The following UMAD1 variants were observed in gnomAD, a reference collection of about 807,000 sequenced individuals.
UMAD1 encodes the protein UBAP1-MVB12-associated (UMA) domain containing 1, also known as UBAP1-MVB12-associated (UMA)-domain containing protein 1.
In UMAD1, 8 loss-of-function variants were observed where a neutral mutation model predicts 6.1. That is an observed-to-expected ratio of 1.30 (90% CI 0.76 to 2.35). UMAD1 has a LOEUF of 2.35. Among genes scored for constraint, UMAD1 ranks in the 30% most tolerant of loss-of-function variants. UMAD1 has a pLI of 0.00. For missense variants in UMAD1, 130 were observed against 78.4 expected (o/e 1.66, Z -2.49); for synonymous variants, 56 against 31.4 (o/e 1.78, Z -2.61).
intron 3 of UMAD1, among the ~76,000 whole-genome samples, chr7:7,817,299 C>T (rs1386091227): frequency 6.6e-6 from 1 of 152,162 alleles, no homozygotes; most frequent in Non-Finnish European, 1.5e-5. Context: ...TTCGGGTTGA[C>T]TCATCATTGT....
intron 3 of UMAD1, among the ~76,000 whole-genome samples, chr7:7,853,734 C>T (rs1054610675): frequency 1.3e-5 from 2 of 152,046 alleles, no homozygotes; most frequent in Admixed American, 6.5e-5. Context: ...CATAGAAAAT[C>T]ATATCATCTG....
At chr7:7,775,468 AC>A (rs1374114389) in intron 2 of UMAD1, among the ~76,000 whole-genome samples, 1 of 152,072 alleles carries the variant, frequency 6.6e-6, no homozygotes, top group Non-Finnish European at 1.5e-5. Context: ...CTTTCCTGCC[AC>A]CCTTTGAAGA....
intron 2 of UMAD1, among the ~76,000 whole-genome samples, chr7:7,743,406 G>T (rs1240560335): frequency 6.6e-6 from 1 of 152,058 alleles, no homozygotes; most frequent in Non-Finnish European, 1.5e-5. Context: ...ATTAAGGCAG[G>T]TTAAAGAACT....
chr7:7,761,524 G>T (rs948407453), intron 2 of UMAD1, among the ~76,000 whole-genome samples: 28 of 152,170 alleles, frequency 1.8e-4, no homozygotes, highest in Non-Finnish European at 7.3e-5. Flanking sequence ...ACATCCTTGT[G>T]CAGTACACAA....
intron 2 of UMAD1, chr7:7,736,132 G>C (rs889469197): frequency 1.3e-5 from 2 of 152,248 alleles, no homozygotes; most frequent in African/African-American, 4.8e-5. Context: ...TGGGACAAAG[G>C]CCTTCCTGGT....
At chr7:7,677,885 G>A (rs1779788359) in intron 2 of UMAD1, among the ~76,000 whole-genome samples, 1 of 151,030 alleles carries the variant, frequency 6.6e-6, no homozygotes, top group Non-Finnish European at 1.5e-5. Context: ...GTTTTAGCCG[G>A]GATGGTCTCG....
At chr7:7,649,684 T>C (rs906010473) in intron 1 of UMAD1, among the ~76,000 whole-genome samples, 1 of 131,990 alleles carries the variant, frequency 7.6e-6, no homozygotes, top group Non-Finnish European at 1.7e-5. Flanking sequence ...GTATTCTTGT[T>C]GGTGGGGGGG....
At chr7:7,865,869 G>T (rs1290204432) in intron 3 of UMAD1, among the ~76,000 whole-genome samples, 1 of 152,182 alleles carries the variant, frequency 6.6e-6, no homozygotes, top group Non-Finnish European at 1.5e-5. Flanking sequence ...GAGAAGATGG[G>T]TCTGTAGGAA....
intron 2 of UMAD1, among the ~76,000 whole-genome samples, chr7:7,707,259 A>G (rs1355797815): frequency 6.6e-6 from 1 of 152,270 alleles, no homozygotes; most frequent in African/African-American, 2.4e-5. Flanking sequence ...TGCCTACAAT[A>G]TTAATATGGA....
At chr7:7,827,834 T>C (rs1008934696) in intron 3 of UMAD1, among the ~76,000 whole-genome samples, 1 of 152,184 alleles carries the variant, frequency 6.6e-6, no homozygotes, top group African/African-American at 2.4e-5. Flanking sequence ...TGAAAATTAC[T>C]ACCAGCAGCA....
At chr7:7,784,027 T>C (rs1782405886) in intron 2 of UMAD1, among the ~76,000 whole-genome samples, 3 of 152,176 alleles carry the variant, frequency 2.0e-5, no homozygotes, top group Non-Finnish European at 4.4e-5. Flanking sequence ...TATGCCATTC[T>C]GAAGGTGGAT....
chr7:7,664,921 C>T (rs189331307), intron 1 of UMAD1, among the ~76,000 whole-genome samples: 12 of 152,102 alleles, frequency 7.9e-5, no homozygotes, highest in Non-Finnish European at 1.8e-4. Context: ...GGTTAAACAT[C>T]GTTCAGGATT....
intron 2 of UMAD1, among the ~76,000 whole-genome samples, chr7:7,707,793 C>A (rs180672848): frequency 7.2e-4 from 109 of 152,274 alleles, no homozygotes; most frequent in Middle Eastern, 3.4e-3. Context: ...ATGTCATTAA[C>A]TTGAAATATA....
intron 2 of UMAD1, among the ~76,000 whole-genome samples, chr7:7,700,577 A>G (rs1421127744): frequency 3.3e-5 from 5 of 150,836 alleles, no homozygotes; most frequent in Non-Finnish European, 5.9e-5. Flanking sequence ...TAAAAACAAC[A>G]AACAAACAAA....
intron 2 of UMAD1, among the ~76,000 whole-genome samples, chr7:7,726,473 C>A (rs532814918): frequency 6.1e-4 from 93 of 152,304 alleles, no homozygotes; most frequent in Non-Finnish European, 1.2e-3. Flanking sequence ...TAGGTGACAA[C>A]ACTTTACAGG....
chr7:7,800,085 G>C (rs1432033452), intron 2 of UMAD1, among the ~76,000 whole-genome samples: 1 of 152,224 alleles, frequency 6.6e-6, no homozygotes, highest in Non-Finnish European at 1.5e-5. Flanking sequence ...GTTTCACCAT[G>C]TTGGTCTGGC....
chr7:7,644,649 C>G (rs998473684), intron 1 of UMAD1, among the ~76,000 whole-genome samples: 2 of 152,154 alleles, frequency 1.3e-5, no homozygotes, highest in Non-Finnish European at 2.9e-5. Flanking sequence ...GCCACCTTCA[C>G]TTGTCACCTT....
chr7:7,668,455 A>G (rs2115101455), intron 1 of UMAD1, among the ~76,000 whole-genome samples: 1 of 152,306 alleles, frequency 6.6e-6, no homozygotes, highest in East Asian at 1.9e-4. Context: ...ATATATTGTT[A>G]TAGTTCTATT....
intron 2 of UMAD1, among the ~76,000 whole-genome samples, chr7:7,778,273 T>TGAGA (rs1193832166): frequency 0.026 from 2,483 of 94,654 alleles, 66 homozygotes; most frequent in African/African-American, 0.081. Flanking sequence ...TGTGTGTGTG[T>TGAGA]GTGAGAGAGA....
Sources: gnomAD v4.1 joint callset for allele counts (sites outside exome capture counted in the v4.1 genomes callset) on GRCh38, gnomAD v4.1.1 for gene constraint, MANE v1.5 for transcripts, NCBI Gene and HGNC (gene_info 2026-07-23, HGNC 2026-07-21) for gene names.